The following ACTMAP variants were observed in gnomAD, a reference collection of about 807,000 sequenced individuals.
The protein encoded by ACTMAP is actin maturation protease, also known as UPF0692 protein C19orf54.
the ACTMAP span, chr19:40,742,683 G>A: frequency 3.3e-5 from 53 of 1,613,072 alleles, no homozygotes; most frequent in Admixed American, 8.4e-5. Context: ...TTGGCAGGGC[G>A]TGCCCAGCAC....
the ACTMAP span, chr19:40,749,905 C>G: frequency 1.0e-6 from 1 of 971,456 alleles, no homozygotes; most frequent in South Asian, 2.2e-5. Flanking sequence ...GGTTTAAGAG[C>G]TGAGTTCCAG....
chr19:40,745,237 C>G, the ACTMAP span: 1 of 1,547,870 alleles, frequency 6.5e-7, no homozygotes, highest in South Asian at 1.2e-5. Context: ...GGAGCCAGCT[C>G]TGAAGCACCC....
chr19:40,742,853 G>A, the ACTMAP span: 1 of 1,348,330 alleles, frequency 7.4e-7, no homozygotes, highest in Non-Finnish European at 1.0e-6. Context: ...CCCTCTCCCG[G>A]CCCTCCAGGG....
the ACTMAP span, chr19:40,744,230 G>A: frequency 6.6e-7 from 1 of 1,524,126 alleles, no homozygotes; most frequent in Non-Finnish European, 8.8e-7. Context: ...GGGGCTTGCT[G>A]CATGTGCCCA....
chr19:40,744,652 T>C, the ACTMAP span: 1 of 1,612,818 alleles, frequency 6.2e-7, no homozygotes, highest in South Asian at 1.1e-5. Context: ...GACAGGAGAG[T>C]ACCTGCCATC....
the ACTMAP span, chr19:40,744,823 C>A: frequency 3.1e-6 from 4 of 1,293,224 alleles, no homozygotes; most frequent in South Asian, 1.5e-5. Context: ...GACTCCCCTT[C>A]AGGGGAGAGC....
chr19:40,749,578 C>T, the ACTMAP span: 16 of 1,551,192 alleles, frequency 1.0e-5, no homozygotes, highest in African/African-American at 2.7e-5. Context: ...TGGCTCTTCT[C>T]CAGGCCGAAG....
At chr19:40,746,421 G>A in the ACTMAP span, among the ~76,000 whole-genome samples, 1 of 151,488 alleles carries the variant, frequency 6.6e-6, no homozygotes, top group Admixed American at 6.6e-5. Context: ...TTTTGAGACA[G>A]CTGGAGTGCA....
chr19:40,743,413 A>T, the ACTMAP span, among the ~76,000 whole-genome samples: 2 of 151,974 alleles, frequency 1.3e-5, no homozygotes, highest in African/African-American at 2.4e-5. Context: ...TTGTATTTTT[A>T]GTAGAGACAG....
the ACTMAP span, chr19:40,742,599 T>C: frequency 1.9e-6 from 3 of 1,610,778 alleles, no homozygotes; most frequent in East Asian, 2.2e-5. Flanking sequence ...CCACAGCTGA[T>C]AGTGCCAACT....
At chr19:40,749,404 A>ACCG in the ACTMAP span, 1 of 1,174,280 alleles carries the variant, frequency 8.5e-7, no homozygotes, top group Non-Finnish European at 1.2e-6. Flanking sequence ...GGACACGGGA[A>ACCG]CCCCCCCCCC....
chr19:40,744,597 G>A, the ACTMAP span: 20 of 1,613,674 alleles, frequency 1.2e-5, no homozygotes, highest in African/African-American at 4.0e-5. Context: ...GCCTCTTTCC[G>A]TGGCCACCCG....
the ACTMAP span, chr19:40,743,778 C>T: frequency 5.6e-5 from 66 of 1,179,456 alleles, no homozygotes; most frequent in Non-Finnish European, 7.0e-5. Flanking sequence ...CCAGCCTGCC[C>T]GGTGCTAATG....
chr19:40,741,449 A>G, the ACTMAP span: 2 of 238,484 alleles, frequency 8.4e-6, no homozygotes, highest in African/African-American at 4.6e-5. Context: ...TCTAAAAAAA[A>G]AAAAAGCAAC....
chr19:40,743,484 T>C, the ACTMAP span, among the ~76,000 whole-genome samples: 3 of 152,184 alleles, frequency 2.0e-5, no homozygotes, highest in South Asian at 2.1e-4. Flanking sequence ...CCACCCACCT[T>C]GGCCTCCCGA....
chr19:40,749,644 G>C, the ACTMAP span: 1 of 1,549,170 alleles, frequency 6.5e-7, no homozygotes. Flanking sequence ...GGGAGCGGTG[G>C]GGGAACAGGG....
chr19:40,745,258 G>A, the ACTMAP span: 1 of 1,516,816 alleles, frequency 6.6e-7, no homozygotes, highest in Non-Finnish European at 9.0e-7. Flanking sequence ...CCTACCCTGA[G>A]GTCTGGCTGG....
At chr19:40,748,468 C>A in the ACTMAP span, among the ~76,000 whole-genome samples, 1 of 152,164 alleles carries the variant, frequency 6.6e-6, no homozygotes, top group Non-Finnish European at 1.5e-5. Flanking sequence ...AATCACTAAA[C>A]CTCAGCCTCA....
chr19:40,743,965 C>T, the ACTMAP span: 1 of 1,614,060 alleles, frequency 6.2e-7, no homozygotes, highest in Non-Finnish European at 8.5e-7. Flanking sequence ...TGGTTGAAGT[C>T]CTCGTCGTAG....
Sources: gnomAD v4.1 joint callset for allele counts (sites outside exome capture counted in the v4.1 genomes callset) on GRCh38, gnomAD v4.1.1 for gene constraint, MANE v1.5 for transcripts, NCBI Gene and HGNC (gene_info 2026-07-23, HGNC 2026-07-21) for gene names.